P2RX3: variants seen among roughly 807,000 people sequenced by gnomAD.
P2RX3 encodes the protein P2X purinoceptor 3.
In P2RX3, 41 loss-of-function variants were observed where a neutral mutation model predicts 51.5. The ratio of observed to expected loss-of-function variants is 0.80; its 90% CI spans 0.62 to 1.03. P2RX3 has a LOEUF of 1.03. Ranked by LOEUF, P2RX3 falls within the 50% of genes least tolerant of loss-of-function variation. P2RX3 has a pLI of 0.00. For synonymous variants in P2RX3, 185 were observed against 191.6 expected (o/e 0.97, Z 0.29); for missense variants, 459 against 522.1 (o/e 0.88, Z 1.18).
chr11:57,363,274 C>G (rs1856747561), intron 8 of P2RX3, among the ~76,000 whole-genome samples: 1 of 152,226 alleles, frequency 6.6e-6, no homozygotes, highest in South Asian at 2.1e-4. Flanking sequence ...CATCTCTCAG[C>G]CATGAAATTC....
chr11:57,357,642 G>A (rs1343762000), intron 8 of P2RX3, among the ~76,000 whole-genome samples: 1 of 152,114 alleles, frequency 6.6e-6, no homozygotes. Context: ...TAATAGTAAT[G>A]CATTTTTAAA....
intron 1 of P2RX3, among the ~76,000 whole-genome samples, chr11:57,344,872 G>A (rs1323971352): frequency 6.7e-6 from 1 of 150,374 alleles, no homozygotes; most frequent in Non-Finnish European, 1.5e-5. Flanking sequence ...AAATAGGATT[G>A]TGGTGTCCAA....
At chr11:57,369,198 A>T (rs1856842863) in intron 10 of P2RX3, among the ~76,000 whole-genome samples, 163 bp from the exon 11 acceptor site, 1 of 152,182 alleles carries the variant, frequency 6.6e-6, no homozygotes, top group African/African-American at 2.4e-5. Flanking sequence ...GGATGAGGAC[A>T]TTCAAACCAT....
At chr11:57,356,861 A>T (rs1856638873) in intron 8 of P2RX3, among the ~76,000 whole-genome samples, 1 of 152,160 alleles carries the variant, frequency 6.6e-6, no homozygotes, top group South Asian at 2.1e-4. Context: ...AATTAGAGTG[A>T]TCTTGGATTT....
chr11:57,348,186 C>G lies in P2RX3; in HGVS notation c.408C>G (p.Arg136=). ...RLPGGGILTG[R]CVNYSSVLRT... Reference sequence around the variant, plus strand: ...TCACTTTAGGGATCCTCACTGGCCGCTGCGTGAACTACAGCTCTGTGCTCC... The same window carrying G: ...TCACTTTAGGGATCCTCACTGGCCGGTGCGTGAACTACAGCTCTGTGCTCC... Residue 136 remains arginine (R), a synonymous_variant, in exon 5 of 12, where the codon CGC becomes CGG. Coordinates refer to ENST00000263314, the MANE Select transcript of P2RX3 (RefSeq NM_002559.5). 1 of 1,591,758 alleles carries G rather than the reference C, an allele frequency of 6.3e-7. No homozygotes were observed. The highest frequency in any genetic ancestry group is 8.6e-7 in the Non-Finnish European group (1 of 1,169,058).
intron 6 of P2RX3, among the ~76,000 whole-genome samples, chr11:57,349,330 G>A (rs895012831): frequency 2.0e-5 from 3 of 151,334 alleles, no homozygotes; most frequent in South Asian, 2.1e-4. Flanking sequence ...GCCAGGCGCC[G>A]TGGCACACCC....
intron 10 of P2RX3, 145 bp downstream of exon 10, chr11:57,368,582 C>T (rs1300349483): frequency 9.4e-6 from 8 of 854,310 alleles, no homozygotes; most frequent in Non-Finnish European, 1.5e-5. Context: ...GCTTCAGTCT[C>T]CTTGGCCACC....
Position 57,370,480 on chromosome 11 carries a change from C to G in P2RX3, c.*483C>G, listed in dbSNP as rs767729212. ...GTGAGAGAGCTGGGATTTGAACGTC[C>G]GTCTGACTAACTCCATCGCCCACAC... On this transcript the variant is annotated 3_prime_UTR_variant, in exon 12 of 12. Transcript: ENST00000263314. 6.5e-6 allele frequency: 1 copy of G among 153,320 alleles called. No homozygotes were observed. Among genetic ancestry groups the G allele is most frequent in the Non-Finnish European group, 1.4e-5 (1 of 69,634 alleles). 9.5% of individuals were successfully genotyped at this position (153,320 alleles called of 1,614,324 possible). A position where few individuals can be genotyped will look rare whatever the true frequency, so the allele number is the denominator to read the frequency against.
intron 8 of P2RX3, among the ~76,000 whole-genome samples, chr11:57,359,291 C>T (rs1856679665): frequency 6.6e-6 from 1 of 152,132 alleles, no homozygotes. Context: ...CTGCCAGTGC[C>T]GCCCATTGAC....
intron 8 of P2RX3, among the ~76,000 whole-genome samples, chr11:57,362,340 A>T (rs1416409948): frequency 2.0e-5 from 3 of 152,192 alleles, no homozygotes; most frequent in Non-Finnish European, 4.4e-5. Context: ...TGGTCCTGTC[A>T]TTCTCACCAA....
intron 1 of P2RX3, among the ~76,000 whole-genome samples, chr11:57,344,588 A>G (rs930638349): frequency 6.6e-6 from 1 of 152,188 alleles, no homozygotes; most frequent in Middle Eastern, 3.4e-3. Flanking sequence ...AGTCCCAGCT[A>G]CTCAGGAGGC....
upstream of P2RX3, among the ~76,000 whole-genome samples, chr11:57,337,670 G>A (rs190461880): frequency 7.2e-5 from 11 of 152,308 alleles, no homozygotes; most frequent in South Asian, 2.1e-4. Flanking sequence ...AGGGCCTGTC[G>A]CGGGGTGGGC....
At chr11:57,343,226 C>T (rs1164743214) in intron 1 of P2RX3, among the ~76,000 whole-genome samples, 1 of 152,196 alleles carries the variant, frequency 6.6e-6, no homozygotes. Context: ...CTCTCCACCC[C>T]ACTGGGCACA....
At position 57,338,498 on chromosome 11, in the gene P2RX3, C is replaced by T; in HGVS notation, c.-53C>T. 1 of 1,363,876 alleles carries T rather than the reference C, an allele frequency of 7.3e-7. No individual in the cohort carries two copies. The highest frequency in any genetic ancestry group is 1.0e-6 in the Non-Finnish European group (1 of 969,958). The allele number at this position is 1,363,876 out of a possible 1,614,324, so 84.5% of individuals were successfully genotyped here. On this transcript the variant is annotated 5_prime_UTR_variant, in exon 1 of 12. Transcript: ENST00000263314. ...TCCCTGTCCTGTAGGACCTCCCTCT[C>T]CTGAGGCCACCACTGGGCCCCCTTC...
intron 8 of P2RX3, among the ~76,000 whole-genome samples, chr11:57,359,711 C>T (rs1856686054): frequency 6.6e-6 from 1 of 152,194 alleles, no homozygotes. Context: ...CTCCTTTTGG[C>T]TCCTCTCTTA....
At chr11:57,362,798 G>A (rs1021967140) in intron 8 of P2RX3, among the ~76,000 whole-genome samples, 5 of 152,268 alleles carry the variant, frequency 3.3e-5, no homozygotes, top group Admixed American at 6.5e-5. Flanking sequence ...AATGCAATGG[G>A]GTGGTTGTGA....
At chr11:57,360,804 AAAG>A (rs1856704951) in intron 8 of P2RX3, among the ~76,000 whole-genome samples, 1 of 151,186 alleles carries the variant, frequency 6.6e-6, no homozygotes, top group Non-Finnish European at 1.5e-5. Flanking sequence ...TCAAAAAAAA[AAAG>A]AAAAAAAGAA....
chr11:57,364,013 C>G (rs1565072479), intron 8 of P2RX3, among the ~76,000 whole-genome samples: 1 of 152,286 alleles, frequency 6.6e-6, no homozygotes, highest in East Asian at 1.9e-4. Flanking sequence ...TAAATTTAGC[C>G]AGCCCTCACT....
Position 57,350,803 on chromosome 11 carries a change from G to A in P2RX3, c.747G>A (p.Leu249=). 2 of 1,613,890 alleles carry A rather than the reference G, an allele frequency of 1.2e-6. No homozygotes were observed. The highest frequency in any genetic ancestry group is 8.5e-7 in the Non-Finnish European group (1 of 1,179,954). ...TTAAGATCGGCTGGGTGTGCGACTT[G>A]GACAAGGCCTGGGACCAGTGCATCC... ...LGIKIGWVCD[L]DKAWDQCIPK... The change falls in exon 8 of 12, where the codon TTG becomes TTA. Residue 249 remains leucine, a synonymous_variant. Transcript: ENST00000263314.
Sources: gnomAD v4.1 joint callset for allele counts (sites outside exome capture counted in the v4.1 genomes callset) on GRCh38, gnomAD v4.1.1 for gene constraint, MANE v1.5 for transcripts, NCBI Gene and HGNC (gene_info 2026-07-23, HGNC 2026-07-21) for gene names.